AQR: variants seen among roughly 807,000 people sequenced by gnomAD.
AQR encodes the protein aquarius intron-binding spliceosomal factor.
A neutral mutation model predicts 180.5 loss-of-function variants in AQR; 61 were observed. That is an observed-to-expected ratio of 0.34 (90% confidence interval 0.28 to 0.42). The LOEUF is 0.42. AQR is among the 10% of genes least tolerant of loss of function. The probability of loss-of-function intolerance (pLI) is 1.00; values close to 1 mark genes in which losing one functional copy is unlikely to be tolerated. For synonymous variants in AQR, 551 were observed against 588.8 expected (o/e 0.94, Z 0.93); for missense variants, 1,281 against 1,798.3 (o/e 0.71, Z 5.20).
chr15:34,925,497 A>ATG (rs1893747512), intron 13 of AQR, among the ~76,000 whole-genome samples: 1 of 152,216 alleles, frequency 6.6e-6, no homozygotes, highest in Admixed American at 6.5e-5. Context: ...TACGAAAAGG[A>ATG]TGCTCATTGC....
chr15:34,954,262 T>G (rs898479636), intron 3 of AQR, among the ~76,000 whole-genome samples: 3 of 152,094 alleles, frequency 2.0e-5, no homozygotes, highest in Non-Finnish European at 4.4e-5. Context: ...ATAAAAATGG[T>G]AGAGCAGCCA....
chr15:34,929,159 T>C (rs1893810722), intron 12 of AQR, among the ~76,000 whole-genome samples: 1 of 152,242 alleles, frequency 6.6e-6, no homozygotes, highest in South Asian at 2.1e-4. Context: ...ACTCTGATGA[T>C]AGTTTCTTCT....
intron 3 of AQR, among the ~76,000 whole-genome samples, chr15:34,958,851 C>G (rs943571906): frequency 3.3e-5 from 5 of 152,140 alleles, no homozygotes; most frequent in Non-Finnish European, 7.4e-5. Flanking sequence ...CAAATCTGCT[C>G]AAATGTCCTA....
rs368681127 is a variant in AQR, at chr15:34,886,595, T to C, written c.2748A>G (p.Gln916=). ...CATCTCCTGGAACCCCTAGACTCTTTTGCAATCGTTTGACTTCTTCTAAAA... is the reference window on the plus strand; with the variant it reads ...CATCTCCTGGAACCCCTAGACTCTTCTGCAATCGTTTGACTTCTTCTAAAA... ...IELLEEVKRL[Q]KSLGVPGDAS... is the part of the protein sequence containing the mutation. The change falls in exon 25 of 35, where the codon CAA becomes CAG. Residue 916 remains glutamine (Q), a synonymous_variant. Transcript: ENST00000156471. 2.7e-5 allele frequency: 44 copies of C among 1,613,938 alleles called. 1 individual carries two copies. The African/African-American group carries it at 4.5e-4, about 17-fold the overall frequency.
intron 31 of AQR, 67 bp downstream of exon 31, chr15:34,870,685 A>T (rs2140461462): frequency 7.2e-7 from 1 of 1,385,270 alleles, no homozygotes; most frequent in East Asian, 2.4e-5. Flanking sequence ...GGCAAAGCAG[A>T]ACAATATAAA....
At chr15:34,857,363 A>G (rs1196847961) in intron 34 of AQR, among the ~76,000 whole-genome samples, 1 of 152,258 alleles carries the variant, frequency 6.6e-6, no homozygotes, top group Non-Finnish European at 1.5e-5. Flanking sequence ...TAGATTTTTA[A>G]GCAACATACT....
At chr15:34,871,051 T>C in intron 30 of AQR, 129 bp from the exon 31 acceptor site, 1 of 769,624 alleles carries the variant, frequency 1.3e-6, no homozygotes, top group Non-Finnish European at 2.0e-6. Flanking sequence ...CTTAGTAACT[T>C]GGATAAGTGA....
chr15:34,910,485 C>G (rs1330128707), intron 16 of AQR, among the ~76,000 whole-genome samples, 172 bp from the exon 17 acceptor site: 2 of 151,982 alleles, frequency 1.3e-5, no homozygotes, highest in African/African-American at 4.8e-5. Context: ...TCAAAGTATG[C>G]AAAGTATATA....
chr15:34,934,091 C>T (rs998570039), intron 10 of AQR, among the ~76,000 whole-genome samples: 2 of 151,392 alleles, frequency 1.3e-5, no homozygotes, highest in African/African-American at 4.9e-5. Flanking sequence ...AGCGCCACTG[C>T]ATTCTAGCCT....
At position 34,906,634 on chromosome 15, in the gene AQR, C is replaced by A; in HGVS notation, c.1742G>T (p.Arg581Ile). 6.2e-7 allele frequency: 1 copy of A among 1,614,094 alleles called. No homozygotes were observed. Among genetic ancestry groups the A allele is most frequent in the Non-Finnish European group, 8.5e-7 (1 of 1,180,004 alleles). ...KPYGTKFDRR[R>I]PFIEQVGLVY... ...CAGGCCAACCTGCTCAATAAAAGGT[C>A]TCCTCCGGTCAAACTTAGTGCCATA... The change falls in exon 18 of 35, where the codon AGA (arginine) becomes ATA (isoleucine). Residue 581 changes from arginine to isoleucine, a missense_variant. By Grantham distance (97) the Arg-to-Ile change is moderately conservative (BLOSUM62 -3). Around this residue, in one of 9 missense-constraint regions of AQR, gnomAD observed 200 missense variants for 293.4 expected, o/e 0.68. Coordinates refer to ENST00000156471, the MANE Select transcript of AQR (RefSeq NM_014691.3).
intron 33 of AQR, among the ~76,000 whole-genome samples, chr15:34,861,569 C>T (rs1217469147): frequency 6.6e-6 from 1 of 152,164 alleles, no homozygotes; most frequent in Non-Finnish European, 1.5e-5. Flanking sequence ...ACATGTAGCC[C>T]TTACATAGAA....
In AQR at chr15:34,856,408, C is replaced by T. The variant is rs561751464; in HGVS notation, c.*384G>A. On this transcript the variant is annotated 3_prime_UTR_variant, in exon 35 of 35. Transcript: ENST00000156471. ...ATAGTATAACAGAAGAAACAAGTTC[C>T]TTCCCAATTTGGACACTCAAGGGTA... 4 of 397,328 alleles carry T rather than the reference C, an allele frequency of 1.0e-5. No individual in the cohort carries two copies. In the East Asian group the frequency reaches 1.4e-4, roughly 14 times the overall value. The allele number at this position is 397,328 out of a possible 1,614,324, so 24.6% of individuals were successfully genotyped here.
rs546290719 is a variant in AQR, at chr15:34,920,450, CAA to C, written c.1119-18_1119-17del. ...TGTGTTTGAACTGCAGAATAGAGAACAATATTTTATTCATAGTAACTTACTTC... is the reference window on the plus strand; with the variant it reads ...TGTGTTTGAACTGCAGAATAGAGAACTATTTTATTCATAGTAACTTACTTC... On this transcript the variant is annotated splice_polypyrimidine_tract_variant and intron_variant, in intron 13 of 34. Coordinates refer to ENST00000156471, the MANE Select transcript of AQR (RefSeq NM_014691.3). The C allele has an allele frequency of 1.1e-5, 17 of 1,567,942 alleles. No individual in the cohort carries two copies. The highest frequency in any genetic ancestry group is 9.2e-5 in the South Asian group (8 of 87,242).
Position 34,874,500 on chromosome 15 carries a change from T to A in AQR, c.3425+177A>T. 3 of 567,516 alleles carry A rather than the reference T, an allele frequency of 5.3e-6. No individual in the cohort carries two copies. In the South Asian group the frequency reaches 7.9e-5, roughly 15 times the overall value. The allele number at this position is 567,516 out of a possible 1,614,324, so 35.2% of individuals were successfully genotyped here. A position where few individuals can be genotyped will look rare whatever the true frequency, so the allele number is the denominator to read the frequency against. On this transcript the variant is annotated intron_variant, in intron 29 of 34. Coordinates refer to ENST00000156471, the MANE Select transcript of AQR (RefSeq NM_014691.3). ...AATGAATGAAATGAAGGAAATAAATTATTTGGTCCATTCACATCTCTTGCA... is the reference window on the plus strand; with the variant it reads ...AATGAATGAAATGAAGGAAATAAATAATTTGGTCCATTCACATCTCTTGCA...
intron 27 of AQR, among the ~76,000 whole-genome samples, chr15:34,879,664 C>CAGCG (rs1408784211): frequency 2.6e-5 from 4 of 152,038 alleles, no homozygotes; most frequent in African/African-American, 9.7e-5. Flanking sequence ...GTGCACTGAG[C>CAGCG]AGCGAGCCCC....
chr15:34,864,282 G>A (rs2140458636), intron 32 of AQR, among the ~76,000 whole-genome samples: 1 of 152,198 alleles, frequency 6.6e-6, no homozygotes, highest in Non-Finnish European at 1.5e-5. Context: ...GTGTATGTGT[G>A]TGAAGGGACA....
chr15:34,928,292 A>G (rs997960947), intron 12 of AQR, among the ~76,000 whole-genome samples: 1 of 152,086 alleles, frequency 6.6e-6, no homozygotes, highest in African/African-American at 2.4e-5. Context: ...ATAGGTATAC[A>G]TGTGCCATGG....
rs1031958756 is a variant in AQR, at chr15:34,852,472, G to C, written c.*4320C>G. 2 of 152,000 alleles carry C rather than the reference G, an allele frequency of 1.3e-5. No homozygotes were observed. The highest frequency in any genetic ancestry group is 4.8e-5 in the African/African-American group (2 of 41,376). 9.4% of individuals were successfully genotyped at this position (152,000 alleles called of 1,614,324 possible). A position where few individuals can be genotyped will look rare whatever the true frequency, so the allele number is the denominator to read the frequency against. ...AGGCGTGAGCCACTGCACCCGGCTC[G>C]TGTTCTAAGGAAATAGCTACCTAAG... On this transcript the variant is annotated 3_prime_UTR_variant, in exon 35 of 35. Coordinates refer to ENST00000156471, the MANE Select transcript of AQR (RefSeq NM_014691.3).
chr15:34,893,558 A>G (rs1056901165), intron 23 of AQR, 105 bp downstream of exon 23: 44 of 890,766 alleles, frequency 4.9e-5, no homozygotes, highest in Non-Finnish European at 6.7e-5. Flanking sequence ...TCCCACACTT[A>G]CCTCCCCCTC....
Sources: allele counts gnomAD v4.1 joint callset (sites outside exome capture counted in the v4.1 genomes callset), GRCh38; gene constraint gnomAD v4.1.1; regional missense constraint gnomAD v4.1.1; transcripts MANE v1.5; gene names NCBI Gene and HGNC (gene_info 2026-07-23, HGNC 2026-07-21).